The following CMTM7 variants were observed in gnomAD, a reference collection of about 807,000 sequenced individuals.
CMTM7 encodes CKLF-like MARVEL transmembrane domain-containing protein 7.
In CMTM7, 7 loss-of-function variants were observed where a neutral mutation model predicts 19.3. The observed-to-expected ratio is 0.36, with a 90% CI of 0.21 to 0.68. The LOEUF is 0.68. Among genes scored for constraint, CMTM7 ranks in the 30% least tolerant of loss-of-function variants. The probability of loss-of-function intolerance (pLI) is 0.60; values close to 1 mark genes in which losing one functional copy is unlikely to be tolerated. For synonymous variants in CMTM7, 87 were observed against 99.3 expected (o/e 0.88, Z 0.74); for missense variants, 193 against 232.6 (o/e 0.83, Z 1.11).
At chr3:32,424,444 T>C (rs919489239) in intron 1 of CMTM7, among the ~76,000 whole-genome samples, 1 of 152,250 alleles carries the variant, frequency 6.6e-6, no homozygotes, top group South Asian at 2.1e-4. Context: ...AGTGGCAAGG[T>C]TCTGCAAGAG....
At chr3:32,398,508 GA>G (rs1482913731) in intron 1 of CMTM7, among the ~76,000 whole-genome samples, 1 of 151,998 alleles carries the variant, frequency 6.6e-6, no homozygotes, top group Non-Finnish European at 1.5e-5. Flanking sequence ...CTCAAATAGA[GA>G]AAATAAACAT....
intron 1 of CMTM7, among the ~76,000 whole-genome samples, chr3:32,417,964 G>A (rs1696291846): frequency 6.6e-6 from 1 of 152,110 alleles, no homozygotes; most frequent in Non-Finnish European, 1.5e-5. Flanking sequence ...TGGGACTATA[G>A]GCGTGTAACA....
chr3:32,446,330 T>C (rs1022129793), intron 2 of CMTM7, among the ~76,000 whole-genome samples: 3 of 152,188 alleles, frequency 2.0e-5, no homozygotes, highest in Non-Finnish European at 4.4e-5. Flanking sequence ...TTTTTATTTC[T>C]GTAAGTGCAG....
At chr3:32,431,217 C>T (rs752272428) in intron 1 of CMTM7, among the ~76,000 whole-genome samples, 47 of 152,178 alleles carry the variant, frequency 3.1e-4, no homozygotes, top group Non-Finnish European at 5.6e-4. Context: ...AGTATGATCC[C>T]GTTTTTGAAA....
At chr3:32,413,176 C>T (rs527437106) in intron 1 of CMTM7, among the ~76,000 whole-genome samples, 11 of 152,256 alleles carry the variant, frequency 7.2e-5, no homozygotes, top group African/African-American at 2.6e-4. Flanking sequence ...ATTGTGTGGC[C>T]CGCAAAGCCT....
At chr3:32,427,900 C>T (rs960047461) in intron 1 of CMTM7, among the ~76,000 whole-genome samples, 3 of 152,182 alleles carry the variant, frequency 2.0e-5, no homozygotes, top group African/African-American at 4.8e-5. Flanking sequence ...GATAGGAAGT[C>T]TCATTAGATC....
chr3:32,422,654 G>T (rs1029824466), intron 1 of CMTM7, among the ~76,000 whole-genome samples: 1 of 152,218 alleles, frequency 6.6e-6, no homozygotes, highest in African/African-American at 2.4e-5. Flanking sequence ...GAAAACAGAT[G>T]TATCAGTTAG....
intron 1 of CMTM7, among the ~76,000 whole-genome samples, chr3:32,417,491 G>A (rs672563): frequency 0.98 from 148,643 of 152,364 alleles, 72,610 homozygotes; most frequent in East Asian, 1. Context: ...AGATTTTGGC[G>A]ATTATGAATG....
chr3:32,407,607 G>T (rs541804887), intron 1 of CMTM7, among the ~76,000 whole-genome samples: 1 of 152,326 alleles, frequency 6.6e-6, no homozygotes, highest in South Asian at 2.1e-4. Flanking sequence ...TGGGAAAGGT[G>T]AAAGAGGCAA....
intron 1 of CMTM7, among the ~76,000 whole-genome samples, chr3:32,398,328 T>C (rs889334782): frequency 1.3e-5 from 2 of 152,154 alleles, no homozygotes; most frequent in African/African-American, 2.4e-5. Flanking sequence ...AGAATCAGAA[T>C]GTATTTCACA....
chr3:32,422,430 A>C (rs17029453), intron 1 of CMTM7, among the ~76,000 whole-genome samples: 18,430 of 152,212 alleles, frequency 0.12, 1,192 homozygotes, highest in South Asian at 0.2. Context: ...GGATAGTGGC[A>C]AAAGTACTCA....
intron 1 of CMTM7, among the ~76,000 whole-genome samples, chr3:32,404,149 T>TTC (rs1458054189): frequency 0.13 from 9,192 of 70,670 alleles, 904 homozygotes; most frequent in Non-Finnish European, 0.2. Flanking sequence ...TTTCTTTTTT[T>TTC]TTCTTTTTTT....
chr3:32,452,095 G>T, intron 3 of CMTM7: 1 of 1,419,136 alleles, frequency 7.0e-7, no homozygotes, highest in Non-Finnish European at 9.3e-7. Context: ...CTTAGCCCCA[G>T]CTTGCTTGTA....
chr3:32,431,133 GA>G (rs2125635065), intron 1 of CMTM7, among the ~76,000 whole-genome samples: 1 of 152,312 alleles, frequency 6.6e-6, no homozygotes, highest in South Asian at 2.1e-4. Context: ...CTTTGAAGCA[GA>G]ATGATTGAAT....
intron 1 of CMTM7, among the ~76,000 whole-genome samples, chr3:32,403,508 G>A (rs866610896): frequency 2.6e-5 from 4 of 152,094 alleles, no homozygotes; most frequent in African/African-American, 7.2e-5. Flanking sequence ...CCATGGTGCC[G>A]GCCGGGCTAG....
At position 32,395,610 on chromosome 3, in the gene CMTM7, C is replaced by T. The variant is rs532945241; in HGVS notation, c.159+3545C>T. ...ACAGTGAGATAACACTTCACACCCACGGAGATGACAACAATAGAAAACAAC... is the reference window on the plus strand; with the variant it reads ...ACAGTGAGATAACACTTCACACCCATGGAGATGACAACAATAGAAAACAAC... On this transcript the variant is annotated intron_variant, in intron 1 of 4. Coordinates refer to ENST00000334983, the MANE Select transcript of CMTM7 (RefSeq NM_138410.4). Among the ~76,000 whole-genome samples the T allele has an allele frequency of 6.6e-5, 10 of 152,228 alleles. No individual in the cohort carries two copies. In the South Asian group the frequency reaches 8.3e-4, roughly 13 times the overall value.
rs376739790 is a variant in CMTM7 at position 32,405,133 on chromosome 3, C to T, written c.159+13068C>T. Among the ~76,000 whole-genome samples, 12 of 152,292 alleles carry T rather than the reference C, an allele frequency of 7.9e-5. No homozygotes were observed. The East Asian group carries it at 9.6e-4, about 12-fold the overall frequency. ...AAAGCCACTAACAGCCATGTGAGCT[C>T]GGAAGAGGACCCCAAGCCTGGCCAA... On this transcript the variant is annotated intron_variant, in intron 1 of 4. Coordinates refer to ENST00000334983, the MANE Select transcript of CMTM7 (RefSeq NM_138410.4).
chr3:32,403,549 C>A (rs1015230117), intron 1 of CMTM7, among the ~76,000 whole-genome samples: 1 of 152,110 alleles, frequency 6.6e-6, no homozygotes, highest in South Asian at 2.1e-4. Flanking sequence ...CTTGTTTAAT[C>A]CTCACAACAA....
intron 1 of CMTM7, among the ~76,000 whole-genome samples, chr3:32,437,855 C>T (rs1696621650): frequency 6.6e-6 from 1 of 152,078 alleles, no homozygotes; most frequent in African/African-American, 2.4e-5. Flanking sequence ...GTTGCCACTG[C>T]ACTCCTGCCT....
Sources: gnomAD v4.1 joint callset for allele counts (sites outside exome capture counted in the v4.1 genomes callset) on GRCh38, gnomAD v4.1.1 for gene constraint, MANE v1.5 for transcripts, NCBI Gene and HGNC (gene_info 2026-07-23, HGNC 2026-07-21) for gene names.